Variants in TPD52L1 observed in about 807,000 individuals in gnomAD.
TPD52L1 encodes tumor protein D53.
Under a neutral mutation model 28.7 loss-of-function variants are expected in TPD52L1, and 18 were observed. The ratio of observed to expected loss-of-function variants is 0.63; its 90% confidence interval spans 0.43 to 0.93. TPD52L1 has a LOEUF of 0.93. TPD52L1 is among the 40% of genes least tolerant of loss of function. The pLI, the probability that TPD52L1 is intolerant of heterozygous loss-of-function variation, is 0.00. For missense variants in TPD52L1, 203 were observed against 254.8 expected, an observed-to-expected ratio of 0.80 and a Z score of 1.39; for synonymous variants, 75 against 88.8, an observed-to-expected ratio of 0.84 and a Z score of 0.88.
intron 1 of TPD52L1, among the ~76,000 whole-genome samples, chr6:125,158,763 A>C (rs1790312896): frequency 6.6e-6 from 1 of 152,238 alleles, no homozygotes; most frequent in African/African-American, 2.4e-5. Context: ...TTATACAGGC[A>C]TACCTTGGAG....
chr6:125,229,345 A>G, intron 3 of TPD52L1, 79 bp downstream of exon 3: 1 of 1,415,266 alleles, frequency 7.1e-7, no homozygotes. Context: ...CATTTTTCCT[A>G]CAAGGCTGAT....
rs58505448 is a variant in TPD52L1, at chr6:125,224,470, C to CCTCTCTCT, written c.135+4297_135+4304dup. Reference sequence around the variant, plus strand: ...GCAAAGAAGTGCCTTAGGCTCTGGGCCTCTCTCTCTCTCTCTCTCTCTCTC... The same window carrying CCTCTCTCT: ...GCAAAGAAGTGCCTTAGGCTCTGGGCCTCTCTCTCTCTCTCTCTCTCTCTCTCTCTCTC... On this transcript the variant is annotated intron_variant, in intron 2 of 6. Coordinates refer to ENST00000534000, the MANE Select transcript of TPD52L1 (RefSeq NM_003287.4). 3.4e-3 allele frequency among the ~76,000 whole-genome samples: 489 copies of CCTCTCTCT among 143,358 alleles called. 5 individuals are homozygous for CCTCTCTCT. The highest frequency in any genetic ancestry group is 0.011 in the African/African-American group (450 of 39,312). The allele number at this position is 143,358 out of a possible 152,430, so 94.0% of individuals were successfully genotyped here. A position where few individuals can be genotyped will look rare whatever the true frequency, so the allele number is the denominator to read the frequency against.
chr6:125,225,945 A>G (rs1365569061), intron 2 of TPD52L1, among the ~76,000 whole-genome samples: 1 of 152,228 alleles, frequency 6.6e-6, no homozygotes, highest in Non-Finnish European at 1.5e-5. Flanking sequence ...TGAGATAACT[A>G]GACCAAACGA....
intron 3 of TPD52L1, among the ~76,000 whole-genome samples, chr6:125,233,741 A>AT (rs1179242779): frequency 2.6e-5 from 4 of 152,188 alleles, no homozygotes; most frequent in Non-Finnish European, 4.4e-5. Context: ...AAAAAGATGA[A>AT]TTTTTTATTT....
intron 1 of TPD52L1, among the ~76,000 whole-genome samples, chr6:125,204,636 C>T (rs549514091): frequency 9.9e-5 from 15 of 152,030 alleles, no homozygotes; most frequent in African/African-American, 2.4e-4. Context: ...CCCGCCGTCA[C>T]GCCCGGGTAA....
Position 125,172,551 on chromosome 6 carries a change from T to TAA in TPD52L1, c.19+18582_19+18583dup, listed in dbSNP as rs1554202708. 3.1e-4 allele frequency among the ~76,000 whole-genome samples: 26 copies of TAA among 83,836 alleles called. No homozygotes were observed. The South Asian group carries it at 4.5e-3, about 14-fold the overall frequency. The allele number at this position is 83,836 out of a possible 152,430, so 55.0% of individuals were successfully genotyped here. A position where few individuals can be genotyped will look rare whatever the true frequency, so the allele number is the denominator to read the frequency against. On this transcript the variant is annotated intron_variant, in intron 1 of 6. Coordinates refer to ENST00000534000, the MANE Select transcript of TPD52L1 (RefSeq NM_003287.4). The stretch of plus-strand genomic sequence containing the variant: ...ATATATATATATATATATATATATA[T>TAA]AATATATATACTATATGGCATGAAA...
At chr6:125,222,529 T>C (rs1295372562) in intron 2 of TPD52L1, among the ~76,000 whole-genome samples, 4 of 152,194 alleles carry the variant, frequency 2.6e-5, no homozygotes. Flanking sequence ...AGGTCTTGAG[T>C]GTGCCAGGTG....
intron 3 of TPD52L1, among the ~76,000 whole-genome samples, chr6:125,236,944 T>G (rs1796293637): frequency 1.3e-5 from 2 of 152,218 alleles, no homozygotes; most frequent in East Asian, 3.8e-4. Context: ...GTCTTTTTAA[T>G]TCTTCAAAAT....
rs149901429 is a variant in TPD52L1, at chr6:125,261,498, A to G, written c.487-1336A>G. 1.7e-3 allele frequency: 255 copies of G among 152,242 alleles called. 1 individual carries two copies. The highest frequency in any genetic ancestry group is 5.8e-3 in the African/African-American group (239 of 41,552). The allele number at this position is 152,242 out of a possible 1,614,324, so 9.4% of individuals were successfully genotyped here. ...CAAAGTGTTTTTTCTACATTATGAA[A>G]AACAATGGGAGGGAAGGCCAGTGTG... is the stretch of plus-strand genomic sequence containing the variant. On this transcript the variant is annotated intron_variant, in intron 6 of 6. Coordinates refer to ENST00000534000, the MANE Select transcript of TPD52L1 (RefSeq NM_003287.4).
chr6:125,238,506 C>T (rs931185318), intron 3 of TPD52L1, among the ~76,000 whole-genome samples: 3 of 151,962 alleles, frequency 2.0e-5, no homozygotes, highest in Non-Finnish European at 2.9e-5. Flanking sequence ...CCTCACCCCC[C>T]TCGAACCCTT....
intron 1 of TPD52L1, among the ~76,000 whole-genome samples, chr6:125,174,636 A>G (rs1166533240): frequency 6.6e-6 from 1 of 152,224 alleles, no homozygotes; most frequent in Non-Finnish European, 1.5e-5. Flanking sequence ...ATACAAAGCA[A>G]TGTTCATTGT....
At chr6:125,197,883 G>A (rs975007912) in intron 1 of TPD52L1, among the ~76,000 whole-genome samples, 1 of 152,198 alleles carries the variant, frequency 6.6e-6, no homozygotes, top group African/African-American at 2.4e-5. Flanking sequence ...CACTGCTGGA[G>A]TTCACTCAGG....
intron 1 of TPD52L1, among the ~76,000 whole-genome samples, chr6:125,202,766 C>CTTTTTTTTTTT (rs55761249): frequency 8.6e-5 from 10 of 116,424 alleles, no homozygotes; most frequent in East Asian, 2.6e-4. Flanking sequence ...GGAGGTTTAT[C>CTTTTTTTTTTT]TTTTTTTTTT....
At chr6:125,196,054 CT>C (rs1793418563) in intron 1 of TPD52L1, among the ~76,000 whole-genome samples, 1 of 152,142 alleles carries the variant, frequency 6.6e-6, no homozygotes, top group East Asian at 1.9e-4. Flanking sequence ...TTGACATTGG[CT>C]GCCCATCAGT....
Position 125,248,403 on chromosome 6 carries a change from T to C in TPD52L1, c.386+20T>C, listed in dbSNP as rs1455344832. On this transcript the variant is annotated intron_variant, in intron 4 of 6. Coordinates refer to ENST00000534000, the MANE Select transcript of TPD52L1 (RefSeq NM_003287.4). ...CATGAGGTACTGTGGGAAAATACCA[T>C]GGGAACGGCGCTAAGCCCTTGGCTT... 11 of 1,596,410 alleles carry C rather than the reference T, an allele frequency of 6.9e-6. No homozygotes were observed. Among genetic ancestry groups the C allele is most frequent in the Admixed American group, 6.7e-5 (4 of 59,956 alleles).
At chr6:125,209,072 TA>T (rs1327801664) in intron 1 of TPD52L1, 12 of 525,568 alleles carry the variant, frequency 2.3e-5, no homozygotes, top group Non-Finnish European at 2.7e-5. Context: ...TGATCTCTGA[TA>T]CTGGCCGCCC....
At chr6:125,250,663 T>A (rs1324869585) in intron 4 of TPD52L1, among the ~76,000 whole-genome samples, 4 of 152,224 alleles carry the variant, frequency 2.6e-5, no homozygotes, top group African/African-American at 9.6e-5. Flanking sequence ...GAAGACTGTG[T>A]TTCACATATG....
intron 1 of TPD52L1, among the ~76,000 whole-genome samples, chr6:125,190,028 C>T (rs543092485): frequency 6.6e-6 from 1 of 152,032 alleles, no homozygotes; most frequent in East Asian, 1.9e-4. Flanking sequence ...ATTGGGGTGT[C>T]GGTGGTGGTT....
chr6:125,193,848 GT>G (rs1159751577), intron 1 of TPD52L1, among the ~76,000 whole-genome samples: 1 of 152,120 alleles, frequency 6.6e-6, no homozygotes, highest in African/African-American at 2.4e-5. Context: ...GCCTTGCAGA[GT>G]GAGCTGGGGC....
Sources: gnomAD v4.1 joint callset for allele counts (sites outside exome capture counted in the v4.1 genomes callset) on GRCh38, gnomAD v4.1.1 for gene constraint, MANE v1.5 for transcripts, NCBI Gene and HGNC (gene_info 2026-07-23, HGNC 2026-07-21) for gene names.